SORBS2: variants seen among roughly 807,000 people sequenced by gnomAD.
SORBS2 encodes the protein sorbin and SH3 domain containing 2.
Under a neutral mutation model 97.7 loss-of-function variants are expected in SORBS2, and 46 were observed. The ratio of observed to expected loss-of-function variants is 0.47; its 90% CI spans 0.37 to 0.60. The LOEUF is 0.60. Among genes scored for constraint, SORBS2 ranks in the 20% least tolerant of loss-of-function variants. SORBS2 has a pLI of 0.00. For missense variants in SORBS2, 1,316 were observed against 1,282.3 expected, an observed-to-expected ratio of 1.03 and a Z score of -0.40; for synonymous variants, 476 against 473.4, an observed-to-expected ratio of 1.01 and a Z score of -0.07.
rs147623647 is a variant in SORBS2, at chr4:185,621,008, G to A, written c.2216-857C>T. Among the ~76,000 whole-genome samples the A allele has an allele frequency of 5.5e-3, 834 of 152,244 alleles. 4 individuals are homozygous for A. Among genetic ancestry groups the A allele is most frequent in the South Asian group, 0.022 (105 of 4,824 alleles). On this transcript the variant is annotated intron_variant, in intron 7 of 14. Transcript: ENST00000418609. Reference sequence around the variant, plus strand: ...TTTGCACTTACGTGACTTACATATGGAGATGTAACTAGACATTAAATGTAT... The same window carrying A: ...TTTGCACTTACGTGACTTACATATGAAGATGTAACTAGACATTAAATGTAT...
intron 2 of SORBS2, among the ~76,000 whole-genome samples, chr4:185,744,718 T>C (rs2098749511): frequency 6.6e-6 from 1 of 152,182 alleles, no homozygotes; most frequent in Non-Finnish European, 1.5e-5. Context: ...CACCAAATGG[T>C]CCAACATTCA....
At chr4:185,665,581 T>C (rs2097583537) in intron 4 of SORBS2, among the ~76,000 whole-genome samples, 2 of 152,232 alleles carry the variant, frequency 1.3e-5, no homozygotes, top group African/African-American at 4.8e-5. Flanking sequence ...AGCAAGCTTA[T>C]AGGATGACTA....
chr4:185,623,967 G>T lies in SORBS2; in HGVS notation c.1162C>A (p.Gln388Lys), dbSNP rs1420794440. ...GCGCGCAGCAGGTCCTTGTGCTGCT[G>T]CTCGCTCTCGTACTGCAGAATCCTG... Residue 388 changes from glutamine (Q) to lysine (K), a missense_variant, in exon 7 of 15, where the codon CAG (glutamine) becomes AAG (lysine). Gln to Lys is a moderately conservative substitution (Grantham distance 53). Coordinates refer to ENST00000418609, the Ensembl canonical transcript of SORBS2. The surrounding 1 kb of genome is among the most constrained non-coding windows in gnomAD (Gnocchi z 6.4). 5 of 1,614,106 alleles carry T rather than the reference G, an allele frequency of 3.1e-6. No individual in the cohort carries two copies. The highest frequency in any genetic ancestry group is 4.2e-6 in the Non-Finnish European group (5 of 1,180,042).
intron 1 of SORBS2, among the ~76,000 whole-genome samples, chr4:185,877,903 A>AAAAG (rs1333022971): frequency 4.1e-5 from 6 of 147,206 alleles, no homozygotes; most frequent in South Asian, 4.3e-4. Flanking sequence ...AAGAAGAAAG[A>AAAAG]AAAGAAAGAA....
At chr4:185,812,600 T>C (rs1289824057) in intron 1 of SORBS2, among the ~76,000 whole-genome samples, 7 of 152,184 alleles carry the variant, frequency 4.6e-5, no homozygotes, top group African/African-American at 1.7e-4. Context: ...CTTCCAGTCA[T>C]AGAATGAGTG....
At chr4:185,955,871 C>T (rs1045919011) in intron 1 of SORBS2, among the ~76,000 whole-genome samples, 1 of 152,022 alleles carries the variant, frequency 6.6e-6, no homozygotes, top group African/African-American at 2.4e-5. Context: ...CCAGGTCTTC[C>T]CCCAGGTCTC....
chr4:185,947,530 G>T (rs1336338571), intron 1 of SORBS2, among the ~76,000 whole-genome samples: 1 of 152,186 alleles, frequency 6.6e-6, no homozygotes, highest in Non-Finnish European at 1.5e-5. Context: ...CCAATTGCCA[G>T]CTCTGTGGTC....
intron 2 of SORBS2, among the ~76,000 whole-genome samples, chr4:185,734,693 G>T (rs114784418): frequency 0.03 from 4,531 of 152,214 alleles, 88 homozygotes; most frequent in Non-Finnish European, 0.04. Context: ...GGGGAGAGGA[G>T]GGAGCTAGGA....
At chr4:185,836,355 T>C (rs1335798265) in intron 1 of SORBS2, among the ~76,000 whole-genome samples, 1 of 152,202 alleles carries the variant, frequency 6.6e-6, no homozygotes, top group East Asian at 1.9e-4. Context: ...GCCATTGCTC[T>C]CATCAGAGTA....
At chr4:185,590,606 T>A (rs920863303) in intron 13 of SORBS2, among the ~76,000 whole-genome samples, 2 of 152,214 alleles carry the variant, frequency 1.3e-5, no homozygotes, top group Non-Finnish European at 2.9e-5. Context: ...AAAAGAATTA[T>A]TGATAGAATG....
At chr4:185,650,028 G>A (rs1037709278) in intron 2 of SORBS2, among the ~76,000 whole-genome samples, 4 of 152,168 alleles carry the variant, frequency 2.6e-5, no homozygotes, top group African/African-American at 7.2e-5. Flanking sequence ...GATTAAAAAC[G>A]GAACTGTTTC....
chr4:185,689,956 T>C (rs912144040), intron 2 of SORBS2, among the ~76,000 whole-genome samples: 1 of 152,238 alleles, frequency 6.6e-6, no homozygotes, highest in East Asian at 1.9e-4. Flanking sequence ...AAATTATTTC[T>C]ACTGTGGAAA....
intron 4 of SORBS2, among the ~76,000 whole-genome samples, chr4:185,636,191 T>C (rs1221656351): frequency 6.6e-6 from 1 of 151,930 alleles, no homozygotes; most frequent in Non-Finnish European, 1.5e-5. Flanking sequence ...ACAGCAACAA[T>C]ACATATAAAA....
chr4:185,865,998 C>T (rs1051526003), intron 1 of SORBS2, among the ~76,000 whole-genome samples: 4 of 152,164 alleles, frequency 2.6e-5, no homozygotes, highest in African/African-American at 7.2e-5. Flanking sequence ...TGTGAACTCT[C>T]GCCCAGGAAA....
At chr4:185,835,441 C>G (rs1257622396) in intron 1 of SORBS2, among the ~76,000 whole-genome samples, 1 of 152,040 alleles carries the variant, frequency 6.6e-6, no homozygotes, top group African/African-American at 2.4e-5. Flanking sequence ...TGGAATGAAA[C>G]CATATTATCT....
At chr4:185,649,688 A>G in intron 2 of SORBS2, 32 bp from the exon 12 acceptor site, 2 of 1,305,362 alleles carry the variant, frequency 1.5e-6, no homozygotes, top group Non-Finnish European at 1.0e-6. Context: ...GCAGACAAAA[A>G]ACAGAAGCAA....
In SORBS2 at chr4:185,684,463, G is replaced by A. The variant is rs185015804; in HGVS notation, c.-197-5641C>T. ...ATCCCTTTTTTCATCCTGTACCCCTGTACCCCTACCCCAAAAGTTTTTAGG... is the reference window on the plus strand; with the variant it reads ...ATCCCTTTTTTCATCCTGTACCCCTATACCCCTACCCCAAAAGTTTTTAGG... On this transcript the variant is annotated intron_variant, in intron 2 of 20. Transcript: ENST00000284776. The surrounding 1 kb of genome is among the most constrained non-coding windows in gnomAD (Gnocchi z 4.2). 9.3e-5 allele frequency among the ~76,000 whole-genome samples: 14 copies of A among 151,202 alleles called. No individual in the cohort carries two copies. In the East Asian group the frequency reaches 2.5e-3, roughly 27 times the overall value.
intron 2 of SORBS2, chr4:185,770,965 TC>T (rs1233717661): frequency 1.3e-5 from 2 of 149,272 alleles, no homozygotes; most frequent in Admixed American, 1.4e-4. Context: ...CCTGGCATTT[TC>T]ATCGTTTCCT....
At chr4:185,716,378 G>A (rs191458285) in intron 2 of SORBS2, among the ~76,000 whole-genome samples, 5 of 152,344 alleles carry the variant, frequency 3.3e-5, no homozygotes, top group African/African-American at 1.2e-4. Flanking sequence ...ACCTCCTGGG[G>A]TGGCTGAAGG....
Sources: gnomAD v4.1 joint callset for allele counts (sites outside exome capture counted in the v4.1 genomes callset) on GRCh38, gnomAD v4.1.1 for gene constraint, Gnocchi (gnomAD v3.1) non-coding constraint, MANE v1.5 for transcripts, NCBI Gene and HGNC (gene_info 2026-07-23, HGNC 2026-07-21) for gene names.